The following CDC25B variants were observed in gnomAD, a reference collection of about 807,000 sequenced individuals.
CDC25B encodes cell division cycle 25B.
Under a neutral mutation model 69.8 loss-of-function variants are expected in CDC25B, and 33 were observed. The observed-to-expected ratio is 0.47, with a 90% confidence interval of 0.36 to 0.63. The LOEUF is 0.63. Among genes scored for constraint, CDC25B ranks in the 30% least tolerant of loss-of-function variants. CDC25B has a pLI of 0.00. For synonymous variants in CDC25B, 341 were observed against 314.6 expected, an observed-to-expected ratio of 1.08 and a Z score of -0.89; for missense variants, 727 against 809.1, an observed-to-expected ratio of 0.90 and a Z score of 1.23.
Position 3,796,418 on chromosome 20 carries a change from T to TTC in CDC25B, c.-114_-113insTC. On this transcript the variant is annotated 5_prime_UTR_variant, in exon 1 of 16. Coordinates refer to ENST00000245960, the MANE Select transcript of CDC25B (RefSeq NM_021873.4). ...CTGTGGCTCTTCCTCCCTCCCTCCT[T>TTC]CCCCCCCCCCCCACCCCTCGCCCGC... The TTC allele has an allele frequency of 2.0e-5, 3 of 151,668 alleles. No individual in the cohort carries two copies. The highest frequency in any genetic ancestry group is 2.3e-5 in the Non-Finnish European group (3 of 130,168). The allele number at this position is 151,668 out of a possible 1,614,324, so 9.4% of individuals were successfully genotyped here.
At chr20:3,799,435 G>T (rs1018941060) in intron 3 of CDC25B, among the ~76,000 whole-genome samples, 4 of 151,664 alleles carry the variant, frequency 2.6e-5, no homozygotes, top group African/African-American at 7.3e-5. Context: ...TCCCTGAGTG[G>T]TTCCCTGCCC....
At chr20:3,794,982 C>T (rs1186688992), upstream of CDC25B, among the ~76,000 whole-genome samples, 2 of 152,218 alleles carry the variant, frequency 1.3e-5, no homozygotes, top group Non-Finnish European at 2.9e-5. Context: ...GAAAGCTGCT[C>T]ACTACCCACC....
In CDC25B at chr20:3,796,427, C is replaced by CA; in HGVS notation, c.-105_-104insA. The CA allele has an allele frequency of 3.9e-6, 1 of 253,904 alleles. No homozygotes were observed. The highest frequency in any genetic ancestry group is 6.4e-6 in the Non-Finnish European group (1 of 156,814). 15.7% of individuals were successfully genotyped at this position (253,904 alleles called of 1,614,324 possible). The stretch of plus-strand genomic sequence containing the variant: ...TTCCTCCCTCCCTCCTTCCCCCCCC[C>CA]CCCACCCCTCGCCCGCTGCCTCCCT... On this transcript the variant is annotated 5_prime_UTR_variant, in exon 1 of 16. Coordinates refer to ENST00000245960, the MANE Select transcript of CDC25B (RefSeq NM_021873.4).
At position 3,798,337 on chromosome 20, in the gene CDC25B, T is replaced by C. The variant is rs894073653; in HGVS notation, c.329-75T>C. ...ACTGTTTTTTTTTTTTTTTTTTTTTTCATATTGGGACATGGTGGGGGAAAG... is the reference window on the plus strand; with the variant it reads ...ACTGTTTTTTTTTTTTTTTTTTTTTCCATATTGGGACATGGTGGGGGAAAG... On this transcript the variant is annotated intron_variant, in intron 2 of 15. Transcript: ENST00000245960. 26 of 594,986 alleles carry C rather than the reference T, an allele frequency of 4.4e-5. No homozygotes were observed. The South Asian group carries it at 5.3e-4, about 12-fold the overall frequency. 36.9% of individuals were successfully genotyped at this position (594,986 alleles called of 1,614,324 possible).
At chr20:3,802,526 T>C (rs2089323903) in intron 11 of CDC25B, 150 bp downstream of exon 11, 1 of 624,222 alleles carries the variant, frequency 1.6e-6, no homozygotes. Context: ...TGTTCTCACA[T>C]AGACTCCTCC....
At position 3,805,026 on chromosome 20, in the gene CDC25B, C is replaced by T. The variant is rs2229592; in HGVS notation, c.*65C>T. 1.3e-3 allele frequency: 1,991 copies of T among 1,542,634 alleles called. 24 individuals are homozygous for T. In the African/African-American group the frequency reaches 0.024, roughly 19 times the overall value. Reference sequence around the variant, plus strand: ...GGCCTGAAGCCAGCTGCCCTATGGGCCTGCCGGGCTGAGGGCCTGCTGGAG... The same window carrying T: ...GGCCTGAAGCCAGCTGCCCTATGGGTCTGCCGGGCTGAGGGCCTGCTGGAG... On this transcript the variant is annotated 3_prime_UTR_variant, in exon 16 of 16. Coordinates refer to ENST00000245960, the MANE Select transcript of CDC25B (RefSeq NM_021873.4).
intron 1 of CDC25B, among the ~76,000 whole-genome samples, chr20:3,790,886 TG>T (rs1249122826): frequency 6.6e-6 from 1 of 151,500 alleles, no homozygotes; most frequent in Admixed American, 6.6e-5. Context: ...TTGTATTTTT[TG>T]TAGAGACAGA....
chr20:3,787,601 G>A (rs1055322513), intron 1 of CDC25B, among the ~76,000 whole-genome samples: 6 of 152,136 alleles, frequency 3.9e-5, no homozygotes, highest in Non-Finnish European at 8.8e-5. Context: ...GTGAATCCCT[G>A]AAGCCTCCCT....
chr20:3,803,398 T>C lies in CDC25B; in HGVS notation c.1357-6T>C. 1 of 1,614,068 alleles carries C rather than the reference T, an allele frequency of 6.2e-7. No individual in the cohort carries two copies. The highest frequency in any genetic ancestry group is 1.3e-5 in the African/African-American group (1 of 75,032). ...GGCTGTGCCTGACCTCTGGCTCCTC[T>C]GACAGACTGCGGTGAACTTGCCCCT... On this transcript the variant is annotated splice_polypyrimidine_tract_variant and splice_region_variant and intron_variant, in intron 13 of 15. Coordinates refer to ENST00000245960, the MANE Select transcript of CDC25B (RefSeq NM_021873.4). This position sits in a 1 kb window ranked among gnomAD's most constrained non-coding sequence, Gnocchi z 4.9.
chr20:3,799,534 G>GCT (rs1555774273), intron 3 of CDC25B, among the ~76,000 whole-genome samples: 2,651 of 151,004 alleles, frequency 0.018, 98 homozygotes, highest in African/African-American at 0.061. Context: ...GTGCGCGCGC[G>GCT]CGCGTAGATG....
intron 1 of CDC25B, among the ~76,000 whole-genome samples, chr20:3,787,296 T>C (rs373033534): frequency 2.0e-5 from 3 of 152,352 alleles, no homozygotes; most frequent in Non-Finnish European, 2.9e-5. Context: ...AATTTTGCCA[T>C]ATCGGTAAGT....
rs531731923 is a variant in CDC25B at position 3,796,780 on chromosome 20, G to A, written c.200+49G>A. ...ATATGGGGGTGAGAGGCTAGGTCTG[G>A]AGTCCTGGGCCTCCTGGAGAACTGG... On this transcript the variant is annotated intron_variant, in intron 1 of 15. Transcript: ENST00000245960. 70 of 1,521,218 alleles carry A rather than the reference G, an allele frequency of 4.6e-5. 1 individual carries two copies. The South Asian group carries it at 6.6e-4, about 14-fold the overall frequency. 94.2% of individuals were successfully genotyped at this position (1,521,218 alleles called of 1,614,324 possible).
intron 1 of CDC25B, among the ~76,000 whole-genome samples, chr20:3,787,472 C>G (rs1351130007): frequency 1.3e-5 from 2 of 152,178 alleles, no homozygotes; most frequent in East Asian, 3.8e-4. Flanking sequence ...AGTAATCCCA[C>G]AACCCATAGA....
chr20:3,788,122 G>A (rs1460286450), intron 1 of CDC25B, among the ~76,000 whole-genome samples: 1 of 147,528 alleles, frequency 6.8e-6, no homozygotes, highest in Non-Finnish European at 1.5e-5. Flanking sequence ...GGGCAAAAGA[G>A]TGAGACTCCA....
At position 3,800,691 on chromosome 20, in the gene CDC25B, C is replaced by T. The variant is rs41279400; in HGVS notation, c.460-52C>T. On this transcript the variant is annotated intron_variant, in intron 5 of 15. Coordinates refer to ENST00000245960, the MANE Select transcript of CDC25B (RefSeq NM_021873.4). ...GAGAAGGTAGGGCCTGGGCTCGTGCCGGAGGAATGCAGCCTTCATTCCTCT... is the reference window on the plus strand; with the variant it reads ...GAGAAGGTAGGGCCTGGGCTCGTGCTGGAGGAATGCAGCCTTCATTCCTCT... 6,723 of 1,600,764 alleles carry T rather than the reference C, an allele frequency of 4.2e-3. 18 individuals carry two copies. The highest frequency in any genetic ancestry group is 5.1e-3 in the Non-Finnish European group (5,996 of 1,177,940).
At chr20:3,802,474 C>A in intron 11 of CDC25B, 98 bp downstream of exon 11, 1 of 766,268 alleles carries the variant, frequency 1.3e-6, no homozygotes, top group South Asian at 1.5e-5. Context: ...CCTTTCTCCC[C>A]GGAGCCCCCC....
chr20:3,801,546 A>G, intron 8 of CDC25B, 158 bp downstream of exon 8: 1 of 1,117,022 alleles, frequency 9.0e-7, no homozygotes, highest in Non-Finnish European at 1.3e-6. Flanking sequence ...GGCCAATGAG[A>G]GAAGAACAGG....
At position 3,802,687 on chromosome 20, in the gene CDC25B, A is replaced by G. The variant is rs991784722; in HGVS notation, c.1195-223A>G. 1.6e-5 allele frequency: 10 copies of G among 608,108 alleles called. No homozygotes were observed. In the African/African-American group the frequency reaches 1.7e-4, roughly 10 times the overall value. 37.7% of individuals were successfully genotyped at this position (608,108 alleles called of 1,614,324 possible). A position where few individuals can be genotyped will look rare whatever the true frequency, so the allele number is the denominator to read the frequency against. ...GGGTAGGGAGCAGAGTGTGGAGTTC[A>G]TCTCTTCCACTTCCCTTTTTCATTT... On this transcript the variant is annotated intron_variant, in intron 11 of 15. Coordinates refer to ENST00000245960, the MANE Select transcript of CDC25B (RefSeq NM_021873.4).
In CDC25B at chr20:3,805,025, G is replaced by T. The variant is rs41279402; in HGVS notation, c.*64G>T. The T allele has an allele frequency of 7.1e-6, 11 of 1,544,016 alleles. No homozygotes were observed. The highest frequency in any genetic ancestry group is 9.6e-6 in the Non-Finnish European group (11 of 1,145,196). On this transcript the variant is annotated 3_prime_UTR_variant, in exon 16 of 16. Transcript: ENST00000245960. Reference sequence around the variant, plus strand: ...AGGCCTGAAGCCAGCTGCCCTATGGGCCTGCCGGGCTGAGGGCCTGCTGGA... The same window carrying T: ...AGGCCTGAAGCCAGCTGCCCTATGGTCCTGCCGGGCTGAGGGCCTGCTGGA...
Sources: allele counts gnomAD v4.1 joint callset (sites outside exome capture counted in the v4.1 genomes callset), GRCh38; gene constraint gnomAD v4.1.1; non-coding constraint Gnocchi (gnomAD v3.1); transcripts MANE v1.5; gene names NCBI Gene and HGNC (gene_info 2026-07-23, HGNC 2026-07-21).